Variants in FHIT observed in about 807,000 individuals in gnomAD.
FHIT encodes fragile histidine triad diadenosine triphosphatase, also known as bis(5'-adenosyl)-triphosphatase.
Under a neutral mutation model 17.9 loss-of-function variants are expected in FHIT, and 19 were observed. The observed-to-expected ratio is 1.06, with a 90% confidence interval of 0.74 to 1.56. FHIT has a LOEUF of 1.56. Among genes scored for constraint, FHIT ranks in the 40% most tolerant of loss-of-function variants. FHIT has a pLI of 0.00. For synonymous variants in FHIT, 81 were observed against 69.7 expected (o/e 1.16, Z -0.81); for missense variants, 248 against 189.2 (o/e 1.31, Z -1.82).
intron 8 of FHIT, among the ~76,000 whole-genome samples, chr3:59,869,648 A>AT (rs34995397): frequency 1.2e-3 from 178 of 145,814 alleles, no homozygotes; most frequent in South Asian, 4.2e-3. Context: ...CGCCCAGCTA[A>AT]TTTTTTTTTT....
chr3:61,001,301 T>C (rs1055734925), intron 3 of FHIT, among the ~76,000 whole-genome samples: 1 of 152,226 alleles, frequency 6.6e-6, no homozygotes, highest in Non-Finnish European at 1.5e-5. Context: ...GAAGTGGCAC[T>C]CTCGGGCACT....
At chr3:60,661,096 G>A (rs2040236848) in intron 4 of FHIT, among the ~76,000 whole-genome samples, 1 of 151,930 alleles carries the variant, frequency 6.6e-6, no homozygotes, top group Admixed American at 6.6e-5. Flanking sequence ...AATAGGTGGT[G>A]TTTGGTTACA....
At chr3:60,683,577 C>T (rs2040799781) in intron 4 of FHIT, among the ~76,000 whole-genome samples, 2 of 152,060 alleles carry the variant, frequency 1.3e-5, no homozygotes, top group Admixed American at 6.6e-5. Flanking sequence ...AGACTGTAAA[C>T]ACAACTTTTA....
chr3:61,150,718 T>C (rs2037363054), intron 2 of FHIT, among the ~76,000 whole-genome samples: 1 of 152,190 alleles, frequency 6.6e-6, no homozygotes, highest in Admixed American at 6.5e-5. Context: ...AATAATGTAT[T>C]TTGTTTTGTT....
rs144562348 is a variant in FHIT at position 60,567,856 on chromosome 3, A to T, written c.-17-30877T>A. Among the ~76,000 whole-genome samples, 1,113 of 152,364 alleles carry T rather than the reference A, an allele frequency of 7.3e-3. 18 individuals are homozygous for T. Among genetic ancestry groups the T allele is most frequent in the African/African-American group, 0.026 (1,066 of 41,584 alleles). ...ATGCAGCCAAAAGACACGTGAAAAA[A>T]ACGCTCATCATCACTGGCCATCAGA... On this transcript the variant is annotated intron_variant, in intron 4 of 9. Transcript: ENST00000492590.
chr3:60,950,105 A>G (rs1708811870), intron 3 of FHIT, among the ~76,000 whole-genome samples: 1 of 152,224 alleles, frequency 6.6e-6, no homozygotes, highest in Admixed American at 6.5e-5. Flanking sequence ...TAGATATGCA[A>G]CTACTTACCT....
chr3:59,994,951 C>T (rs956738579), intron 7 of FHIT, among the ~76,000 whole-genome samples: 2 of 152,030 alleles, frequency 1.3e-5, no homozygotes, highest in Non-Finnish European at 2.9e-5. Flanking sequence ...AACAAATGTT[C>T]TTGTGGGTCA....
At chr3:60,434,231 C>A (rs925105591) in intron 5 of FHIT, among the ~76,000 whole-genome samples, 1 of 152,048 alleles carries the variant, frequency 6.6e-6, no homozygotes. Context: ...GCAGTTACAT[C>A]CCACTATCTA....
At chr3:60,034,416 A>T (rs1701127570) in intron 5 of FHIT, among the ~76,000 whole-genome samples, 1 of 152,226 alleles carries the variant, frequency 6.6e-6, no homozygotes, top group Admixed American at 6.5e-5. Flanking sequence ...AATTATCTGT[A>T]GGCAAGAAGA....
At chr3:60,125,756 C>A (rs147164146) in intron 5 of FHIT, among the ~76,000 whole-genome samples, 1 of 151,914 alleles carries the variant, frequency 6.6e-6, no homozygotes, top group Admixed American at 6.6e-5. Context: ...AGTAGAGACA[C>A]TCGGGAGGAC....
At chr3:60,498,862 C>CA (rs202002587) in intron 5 of FHIT, among the ~76,000 whole-genome samples, 189 of 152,124 alleles carry the variant, frequency 1.2e-3, no homozygotes, top group Middle Eastern at 6.8e-3. Context: ...TGGTTAAACT[C>CA]AAGAAAAAGC....
At chr3:60,703,961 T>C (rs2041307303) in intron 4 of FHIT, among the ~76,000 whole-genome samples, 1 of 152,048 alleles carries the variant, frequency 6.6e-6, no homozygotes, top group Non-Finnish European at 1.5e-5. Flanking sequence ...ATCATTTTCC[T>C]AGATTTGAAA....
chr3:60,555,351 T>C (rs1457386644), intron 4 of FHIT, among the ~76,000 whole-genome samples: 4 of 152,200 alleles, frequency 2.6e-5, no homozygotes, highest in Non-Finnish European at 4.4e-5. Context: ...AGTCTTGAAA[T>C]AGAGCTTCCC....
rs1245952233 is a variant in FHIT, at chr3:61,037,992, T to C, written c.-111+4055A>G. ...AACAGTCCTAGTCAGTCAGGGAAAG[T>C]TCTTTACAGAAAAAGTCTAGTTGAC... On this transcript the variant is annotated intron_variant, in intron 3 of 9. Coordinates refer to ENST00000492590, the MANE Select transcript of FHIT (RefSeq NM_002012.4). 2.6e-5 allele frequency among the ~76,000 whole-genome samples: 4 copies of C among 152,218 alleles called. No individual in the cohort carries two copies. In the East Asian group the frequency reaches 7.7e-4, roughly 29 times the overall value.
chr3:60,027,928 G>A (rs1442275090), intron 5 of FHIT, among the ~76,000 whole-genome samples: 2 of 152,106 alleles, frequency 1.3e-5, no homozygotes, highest in Non-Finnish European at 2.9e-5. Context: ...TATGGCTGAT[G>A]TAATCAACCA....
intron 5 of FHIT, among the ~76,000 whole-genome samples, chr3:60,015,875 T>C (rs534524951): frequency 6.6e-6 from 1 of 152,314 alleles, no homozygotes; most frequent in Admixed American, 6.5e-5. Context: ...ATAAAAAAAC[T>C]TATTGTTTGT....
chr3:60,622,952 A>G (rs1470209054), intron 4 of FHIT, among the ~76,000 whole-genome samples: 2 of 152,182 alleles, frequency 1.3e-5, no homozygotes, highest in African/African-American at 2.4e-5. Context: ...CAGACGGTAC[A>G]CACATTCATG....
At chr3:61,004,531 G>A (rs6783115) in intron 3 of FHIT, among the ~76,000 whole-genome samples, 6,047 of 152,298 alleles carry the variant, frequency 0.04, 193 homozygotes, top group African/African-American at 0.085. Context: ...AAGGGAGAAG[G>A]GGAAGGAGCA....
At chr3:60,710,444 G>A (rs572321073) in intron 4 of FHIT, among the ~76,000 whole-genome samples, 8 of 152,320 alleles carry the variant, frequency 5.3e-5, no homozygotes, top group South Asian at 4.1e-4. Context: ...GCAGTGCACC[G>A]TGCACCAGCT....
Sources: allele counts gnomAD v4.1 joint callset (sites outside exome capture counted in the v4.1 genomes callset), GRCh38; gene constraint gnomAD v4.1.1; transcripts MANE v1.5; gene names NCBI Gene and HGNC (gene_info 2026-07-23, HGNC 2026-07-21).